Variants in FBN2 observed in about 807,000 individuals in gnomAD.
The protein encoded by FBN2 is fibrillin 2.
Under a neutral mutation model 355.6 loss-of-function variants are expected in FBN2, and 105 were observed. The ratio of observed to expected loss-of-function variants is 0.30; its 90% CI spans 0.25 to 0.35. The LOEUF is 0.35. FBN2 is among the 10% of genes least tolerant of loss of function. FBN2 has a pLI of 1.00. For synonymous variants in FBN2, 1,350 were observed against 1,301.2 expected, an observed-to-expected ratio of 1.04 and a Z score of -0.81; for missense variants, 3,280 against 3,758.7, an observed-to-expected ratio of 0.87 and a Z score of 3.33.
At chr5:128,397,076 A>C (rs1752670275) in intron 8 of FBN2, among the ~76,000 whole-genome samples, 1 of 152,196 alleles carries the variant, frequency 6.6e-6, no homozygotes, top group Non-Finnish European at 1.5e-5. Flanking sequence ...ATTTCTCCCC[A>C]AAATCCCAGT....
intron 16 of FBN2, among the ~76,000 whole-genome samples, chr5:128,367,109 C>G (rs1751792456): frequency 6.6e-6 from 1 of 152,122 alleles, no homozygotes; most frequent in South Asian, 2.1e-4. Context: ...CAACTTTTAG[C>G]AACTATCATA....
rs1207465553 is a variant in FBN2, at chr5:128,497,022, A to T, written c.628+22251T>A. Among the ~76,000 whole-genome samples, 5 of 152,184 alleles carry T rather than the reference A, an allele frequency of 3.3e-5. No individual in the cohort carries two copies. In the East Asian group the frequency reaches 9.6e-4, roughly 29 times the overall value. ...GAAACTATACTCTGAAATGTATAAA[A>T]CATTGTTGAAATAAATGTTTAAAAA... On this transcript the variant is annotated intron_variant, in intron 5 of 64. Transcript: ENST00000262464.
chr5:128,451,064 T>A (rs892977852), intron 6 of FBN2, among the ~76,000 whole-genome samples: 1 of 152,186 alleles, frequency 6.6e-6, no homozygotes, highest in African/African-American at 2.4e-5. Context: ...ATCTTGTTTT[T>A]CTTCATTATA....
intron 28 of FBN2, 145 bp downstream of exon 28, chr5:128,335,843 C>A: frequency 2.2e-6 from 2 of 898,258 alleles, no homozygotes; most frequent in Middle Eastern, 3.0e-4. Context: ...GCTGCAAGAT[C>A]ACACAATAAC....
intron 8 of FBN2, among the ~76,000 whole-genome samples, chr5:128,399,297 T>A (rs1194408279): frequency 1.3e-5 from 2 of 152,288 alleles, no homozygotes; most frequent in Non-Finnish European, 2.9e-5. Flanking sequence ...AACGGTATTT[T>A]AAAAAAATAA....
At chr5:128,450,184 T>C (rs1325645707) in intron 6 of FBN2, among the ~76,000 whole-genome samples, 1 of 152,134 alleles carries the variant, frequency 6.6e-6, no homozygotes, top group African/African-American at 2.4e-5. Context: ...AACCAACTTG[T>C]CCTAGTTGAC....
intron 5 of FBN2, among the ~76,000 whole-genome samples, chr5:128,489,046 T>A (rs1310955785): frequency 6.6e-6 from 1 of 152,072 alleles, no homozygotes; most frequent in Non-Finnish European, 1.5e-5. Flanking sequence ...AAATGGTATT[T>A]CTAGTTCTAG....
chr5:128,314,048 C>T (rs1408333893), intron 36 of FBN2, among the ~76,000 whole-genome samples: 3 of 151,618 alleles, frequency 2.0e-5, no homozygotes, highest in Non-Finnish European at 4.4e-5. Flanking sequence ...TCTACTTTAC[C>T]TTCTGTAAGC....
At position 128,311,925 on chromosome 5, in the gene FBN2, A is replaced by G. The variant is rs950666087; in HGVS notation, c.4908T>C (p.Gly1636=). 1.2e-6 allele frequency: 2 copies of G among 1,612,474 alleles called. No homozygotes were observed. The highest frequency in any genetic ancestry group is 2.7e-5 in the African/African-American group (2 of 74,972). Residue 1636 remains glycine (G), a synonymous_variant, in exon 38 of 65, where the codon GGT becomes GGC. Coordinates refer to ENST00000262464, the MANE Select transcript of FBN2 (RefSeq NM_001999.4). ...STEYYTLCPG[G]EGFRPNPITI... ...TGATGGGGTTAGGTCTGAAGCCTTC[A>G]CCTCCGGGACACAGGGTGTAATATT...
intron 3 of FBN2, among the ~76,000 whole-genome samples, chr5:128,529,363 T>G (rs1419722363): frequency 6.6e-6 from 1 of 152,126 alleles, no homozygotes; most frequent in African/African-American, 2.4e-5. Flanking sequence ...CCACTGGCAT[T>G]TTAAAAGTCA....
chr5:128,261,889 C>T lies in FBN2; in HGVS notation c.8211G>A (p.Met2737Ile). ...ACAGGTACTGCCCCTTGTTAAATCC[C>T]ATTCCTGAGACACAGTGGCTATTTG... ...RVGQGHCVSG[M>I]GFNKGQYLSL... is the part of the protein sequence containing the mutation. Residue 2737 changes from methionine (M) to isoleucine (I), a missense_variant, in exon 64 of 65, where the codon ATG becomes ATA. Coordinates refer to ENST00000262464, the MANE Select transcript of FBN2 (RefSeq NM_001999.4). 6.2e-7 allele frequency: 1 copy of T among 1,614,076 alleles called. No individual in the cohort carries two copies. The highest frequency in any genetic ancestry group is 8.5e-7 in the Non-Finnish European group (1 of 1,179,930).
intron 36 of FBN2, among the ~76,000 whole-genome samples, chr5:128,315,465 A>G (rs919454006): frequency 1.3e-5 from 2 of 152,190 alleles, no homozygotes; most frequent in African/African-American, 4.8e-5. Context: ...TTCTTGCTTC[A>G]TAAAAATGCA....
intron 54 of FBN2, among the ~76,000 whole-genome samples, 161 bp from the exon 55 acceptor site, chr5:128,287,010 G>C (rs1404935957): frequency 2.6e-5 from 4 of 152,192 alleles, no homozygotes; most frequent in Non-Finnish European, 5.9e-5. Flanking sequence ...TTCCAGATGT[G>C]TAAGTTTCAG....
intron 48 of FBN2, among the ~76,000 whole-genome samples, chr5:128,295,992 C>T (rs1365606738): frequency 0.041 from 6,089 of 149,752 alleles, 396 homozygotes; most frequent in African/African-American, 0.14. Context: ...ATAGCTCTTA[C>T]TATTTTGAGA....
chr5:128,392,022 A>G lies in FBN2; in HGVS notation c.1599T>C (p.Cys533=). ...MGYKQDANGD[C]IDVDECTSNP... Reference sequence around the variant, plus strand: ...ATTAAAGAATCACAAACTTACCTATACAATCTCCATTTGCATCCTGCTTAT... The same window carrying G: ...ATTAAAGAATCACAAACTTACCTATGCAATCTCCATTTGCATCCTGCTTAT... The change falls in exon 11 of 65, where the codon TGT becomes TGC. Residue 533 remains cysteine, a synonymous_variant. Transcript: ENST00000262464. The G allele has an allele frequency of 1.2e-6, 2 of 1,613,626 alleles. No individual in the cohort carries two copies. The highest frequency in any genetic ancestry group is 2.2e-5 in the South Asian group (2 of 91,078).
intron 15 of FBN2, among the ~76,000 whole-genome samples, chr5:128,372,963 T>C (rs1372854574): frequency 6.6e-6 from 1 of 152,056 alleles, no homozygotes; most frequent in Non-Finnish European, 1.5e-5. Flanking sequence ...GTCTAAAAAG[T>C]GACATCAAGT....
chr5:128,518,391 G>A (rs954242789), intron 5 of FBN2, among the ~76,000 whole-genome samples: 15 of 151,980 alleles, frequency 9.9e-5, no homozygotes, highest in African/African-American at 3.6e-4. Flanking sequence ...TGGACAATGC[G>A]GGATGCCTAC....
chr5:128,486,781 C>T (rs942583764), intron 5 of FBN2, among the ~76,000 whole-genome samples: 1 of 152,114 alleles, frequency 6.6e-6, no homozygotes, highest in African/African-American at 2.4e-5. Flanking sequence ...CATCCCCCCA[C>T]CTCATGACAG....
intron 20 of FBN2, among the ~76,000 whole-genome samples, chr5:128,351,686 T>A (rs1413007026): frequency 6.6e-6 from 1 of 152,110 alleles, no homozygotes; most frequent in Non-Finnish European, 1.5e-5. Context: ...GTAATTAATA[T>A]AATTATATCT....
Sources: allele counts gnomAD v4.1 joint callset (sites outside exome capture counted in the v4.1 genomes callset), GRCh38; gene constraint gnomAD v4.1.1; transcripts MANE v1.5; gene names NCBI Gene and HGNC (gene_info 2026-07-23, HGNC 2026-07-21).